Variants in SEMA3D observed in about 807,000 individuals in gnomAD.
SEMA3D encodes semaphorin-3D.
Under a neutral mutation model 100.1 loss-of-function variants are expected in SEMA3D, and 84 were observed. The observed-to-expected ratio is 0.84, with a 90% confidence interval of 0.70 to 1.01. The LOEUF (loss-of-function observed/expected upper bound fraction) is 1.01, where lower values mean the gene tolerates loss of function less well. SEMA3D is among the 50% of genes least tolerant of loss of function. The pLI, the probability that SEMA3D is intolerant of heterozygous loss-of-function variation, is 0.00. For synonymous variants in SEMA3D, 312 were observed against 320.7 expected, an observed-to-expected ratio of 0.97 and a Z score of 0.29; for missense variants, 875 against 934.1, an observed-to-expected ratio of 0.94 and a Z score of 0.82.
At chr7:85,079,006 T>C (rs17159609) in intron 5 of SEMA3D, among the ~76,000 whole-genome samples, 1,525 of 152,260 alleles carry the variant, frequency 0.01, 21 homozygotes, top group African/African-American at 0.035. Flanking sequence ...ACTTGAAGGA[T>C]ATAGTTTTTG....
At chr7:85,058,304 TC>T (rs1295775758) in intron 8 of SEMA3D, among the ~76,000 whole-genome samples, 3 of 152,150 alleles carry the variant, frequency 2.0e-5, no homozygotes, top group Non-Finnish European at 4.4e-5. Context: ...CATTAAAAAT[TC>T]CATTCAATGT....
At chr7:85,077,709 A>G (rs1370518153) in intron 5 of SEMA3D, among the ~76,000 whole-genome samples, 1 of 152,168 alleles carries the variant, frequency 6.6e-6, no homozygotes, top group Non-Finnish European at 1.5e-5. Context: ...TGTATTCAAT[A>G]TTAACAATGG....
At chr7:85,155,863 G>A (rs1172725746) in intron 1 of SEMA3D, among the ~76,000 whole-genome samples, 1 of 152,062 alleles carries the variant, frequency 6.6e-6, no homozygotes, top group African/African-American at 2.4e-5. Flanking sequence ...TAAATGCCGA[G>A]CTCTTGAAAA....
At chr7:85,043,308 AT>A (rs1261923326) in intron 9 of SEMA3D, among the ~76,000 whole-genome samples, 1 of 152,104 alleles carries the variant, frequency 6.6e-6, no homozygotes, top group African/African-American at 2.4e-5. Flanking sequence ...GCAGTGAGCC[AT>A]GTTTGTGCCA....
At chr7:85,231,453 TTTTTTTTTTTTTG>T in the SEMA3D span, among the ~76,000 whole-genome samples, 46 of 125,748 alleles carry the variant, frequency 3.7e-4, 3 homozygotes, top group African/African-American at 3.3e-5. Flanking sequence ...TTTTTTTTTT[TTTTTTTTTTTTTG>T]AGACGGAGTC....
chr7:85,166,145 C>T (rs565587288), intron 1 of SEMA3D, among the ~76,000 whole-genome samples: 16 of 151,928 alleles, frequency 1.1e-4, no homozygotes, highest in African/African-American at 1.7e-4. Context: ...ATTTCATATA[C>T]CTACACACAT....
intron 7 of SEMA3D, among the ~76,000 whole-genome samples, chr7:85,066,913 C>CATACACACACACACAGAGAG: frequency 7.8e-6 from 1 of 127,760 alleles, no homozygotes; most frequent in African/African-American, 3.2e-5. Context: ...CACACACACA[C>CATACACACACACACAGAGAG]AGAGAGAGAG....
intron 3 of SEMA3D, among the ~76,000 whole-genome samples, chr7:85,117,483 A>G (rs2116388469): frequency 6.6e-6 from 1 of 152,312 alleles, no homozygotes; most frequent in African/African-American, 2.4e-5. Context: ...CTTTGGCTTT[A>G]AAGATTATCT....
chr7:85,228,677 T>C, the SEMA3D span, among the ~76,000 whole-genome samples: 1 of 152,092 alleles, frequency 6.6e-6, no homozygotes, highest in Non-Finnish European at 1.5e-5. Flanking sequence ...ATTTTTCTCA[T>C]CCTTTATCTT....
chr7:84,998,908 C>T lies in SEMA3D; in HGVS notation c.*532G>A, dbSNP rs1789574636. On this transcript the variant is annotated 3_prime_UTR_variant, in exon 19 of 19. Coordinates refer to ENST00000284136, the MANE Select transcript of SEMA3D (RefSeq NM_001384900.1). ...AGAAATAATGCACCTCTCCAAATTC[C>T]TATACCATTCTCCAGGAGTGAATGG... 6.5e-6 allele frequency: 1 copy of T among 154,580 alleles called. No homozygotes were observed. Among genetic ancestry groups the T allele is most frequent in the Non-Finnish European group, 1.4e-5 (1 of 69,662 alleles). The allele number at this position is 154,580 out of a possible 1,614,324, so 9.6% of individuals were successfully genotyped here.
the SEMA3D span, among the ~76,000 whole-genome samples, chr7:85,222,745 C>T: frequency 6.6e-6 from 1 of 152,052 alleles, no homozygotes; most frequent in Non-Finnish European, 1.5e-5. Context: ...GAATGCGACC[C>T]TCAGCCAGGA....
At position 85,085,079 on chromosome 7, in the gene SEMA3D, T is replaced by C. The variant is rs895433529; in HGVS notation, c.313-3500A>G. On this transcript the variant is annotated intron_variant, in intron 4 of 18. Coordinates refer to ENST00000284136, the MANE Select transcript of SEMA3D (RefSeq NM_001384900.1). ...TTAGGTTGATTCCATGTCTTTGCTATGTTGCCAGATTAATATTTCTTTGAA... is the reference window on the plus strand; with the variant it reads ...TTAGGTTGATTCCATGTCTTTGCTACGTTGCCAGATTAATATTTCTTTGAA... Among the ~76,000 whole-genome samples the C allele has an allele frequency of 3.9e-5, 6 of 152,312 alleles. No individual in the cohort carries two copies. The East Asian group carries it at 1.2e-3, about 29-fold the overall frequency.
intron 14 of SEMA3D, 25 bp downstream of exon 14, chr7:85,020,208 C>T: frequency 6.6e-7 from 1 of 1,514,378 alleles, no homozygotes; most frequent in Non-Finnish European, 9.2e-7. Context: ...CATCTTTTCT[C>T]CTGGCACTCT....
At chr7:85,027,812 A>G in intron 12 of SEMA3D, 1 of 484,058 alleles carries the variant, frequency 2.1e-6, no homozygotes, top group South Asian at 1.7e-5. Flanking sequence ...TGAGCTGACC[A>G]TGCACACAAA....
Position 85,104,790 on chromosome 7 carries a change from A to T in SEMA3D, c.152-6825T>A, listed in dbSNP as rs141091891. ...AGACTACATAGATTAAAAAAAAAAGAAAAGAAAAGAAAAGAAAAAAAATGC... is the reference window on the plus strand; with the variant it reads ...AGACTACATAGATTAAAAAAAAAAGTAAAGAAAAGAAAAGAAAAAAAATGC... On this transcript the variant is annotated intron_variant, in intron 3 of 18. Coordinates refer to ENST00000284136, the MANE Select transcript of SEMA3D (RefSeq NM_001384900.1). Among the ~76,000 whole-genome samples the T allele has an allele frequency of 3.6e-4, 54 of 151,686 alleles. 1 individual carries two copies. Among genetic ancestry groups the T allele is most frequent in the African/African-American group, 1.3e-3 (53 of 41,226 alleles).
intron 2 of SEMA3D, among the ~76,000 whole-genome samples, chr7:85,151,359 T>C (rs1178069052): frequency 1.3e-5 from 2 of 152,060 alleles, no homozygotes; most frequent in Admixed American, 6.6e-5. Context: ...TCCAAGTTTA[T>C]ACATGTATAG....
the SEMA3D span, among the ~76,000 whole-genome samples, chr7:85,219,096 G>A: frequency 6.6e-6 from 1 of 152,108 alleles, no homozygotes; most frequent in Admixed American, 6.6e-5. Flanking sequence ...TTGGATGGCA[G>A]CAAACAATGG....
intron 1 of SEMA3D, among the ~76,000 whole-genome samples, chr7:85,162,193 A>C (rs554106025): frequency 3.9e-4 from 59 of 152,144 alleles, no homozygotes; most frequent in Non-Finnish European, 7.4e-4. Context: ...GCCAAAGTCA[A>C]GTAGAAAGAA....
At chr7:85,099,739 G>T (rs1036730064) in intron 3 of SEMA3D, among the ~76,000 whole-genome samples, 5 of 151,870 alleles carry the variant, frequency 3.3e-5, no homozygotes, top group African/African-American at 9.7e-5. Flanking sequence ...GTGTGTAGCA[G>T]TATCTTATTG....
Sources: allele counts gnomAD v4.1 joint callset (sites outside exome capture counted in the v4.1 genomes callset), GRCh38; gene constraint gnomAD v4.1.1; transcripts MANE v1.5; gene names NCBI Gene and HGNC (gene_info 2026-07-23, HGNC 2026-07-21).